ACSS3: variants seen among roughly 807,000 people sequenced by gnomAD.
ACSS3 encodes the protein acyl-CoA synthetase short chain family member 3.
A neutral mutation model predicts 84.2 loss-of-function variants in ACSS3; 64 were observed. The ratio of observed to expected loss-of-function variants is 0.76; its 90% confidence interval spans 0.62 to 0.94. The LOEUF is 0.94. Ranked by LOEUF, ACSS3 falls within the 40% of genes least tolerant of loss-of-function variation. ACSS3 has a pLI of 0.00. For missense variants in ACSS3, 815 were observed against 867.6 expected, an observed-to-expected ratio of 0.94 and a Z score of 0.76; for synonymous variants, 317 against 310.1, an observed-to-expected ratio of 1.02 and a Z score of -0.23.
chr12:81,255,065 C>A lies in ACSS3; in HGVS notation c.*143C>A. The A allele has an allele frequency of 1.3e-6, 1 of 753,552 alleles. No homozygotes were observed. The highest frequency in any genetic ancestry group is 2.0e-6 in the Non-Finnish European group (1 of 498,876). The allele number at this position is 753,552 out of a possible 1,614,324, so 46.7% of individuals were successfully genotyped here. A position where few individuals can be genotyped will look rare whatever the true frequency, so the allele number is the denominator to read the frequency against. On this transcript the variant is annotated 3_prime_UTR_variant, in exon 16 of 16. Transcript: ENST00000548058. The stretch of plus-strand genomic sequence containing the variant: ...ATTGTAAAACTTGGCCTAAACAAAT[C>A]TAATGAAAACATGTGAAAGACCTGT...
chr12:81,196,871 C>T (rs139004846), intron 8 of ACSS3, among the ~76,000 whole-genome samples: 168 of 152,164 alleles, frequency 1.1e-3, no homozygotes, highest in Non-Finnish European at 2.2e-3. Flanking sequence ...GGACATGAAG[C>T]CTTTCCACTA....
At chr12:81,174,629 G>A (rs1237605048) in intron 7 of ACSS3, 159 bp from the exon 8 acceptor site, 1 of 736,946 alleles carries the variant, frequency 1.4e-6, no homozygotes, top group African/African-American at 1.8e-5. Flanking sequence ...TGGGTATTTG[G>A]TTTGCTTTAT....
intron 9 of ACSS3, chr12:81,199,672 A>G (rs1326412180): frequency 3.4e-6 from 5 of 1,454,318 alleles, no homozygotes; most frequent in Non-Finnish European, 3.7e-6. Flanking sequence ...ATAAAGCACT[A>G]AAGACCTCTT....
rs1362406350 is a variant in ACSS3 at position 81,254,948 on chromosome 12, GTTGAT to G, written c.*29_*33del. ...TGAGTTTGTCTTATTCCTATTTTGAGTTGATTTAATTTCTTAATTGAAATTAAATT... is the reference window on the plus strand; with the variant it reads ...TGAGTTTGTCTTATTCCTATTTTGAGTTAATTTCTTAATTGAAATTAAATT... On this transcript the variant is annotated 3_prime_UTR_variant, in exon 16 of 16. Coordinates refer to ENST00000548058, the MANE Select transcript of ACSS3 (RefSeq NM_024560.4). 6.6e-7 allele frequency: 1 copy of G among 1,518,358 alleles called. No homozygotes were observed. The highest frequency in any genetic ancestry group is 1.4e-5 in the African/African-American group (1 of 71,140). The allele number at this position is 1,518,358 out of a possible 1,614,324, so 94.1% of individuals were successfully genotyped here.
At chr12:81,168,418 C>A (rs545795524) in intron 7 of ACSS3, among the ~76,000 whole-genome samples, 2 of 152,226 alleles carry the variant, frequency 1.3e-5, no homozygotes, top group Admixed American at 1.3e-4. Context: ...TATGTACATA[C>A]CTTAATTTAA....
At chr12:81,169,862 T>C (rs2029896411) in intron 7 of ACSS3, among the ~76,000 whole-genome samples, 1 of 152,154 alleles carries the variant, frequency 6.6e-6, no homozygotes, top group African/African-American at 2.4e-5. Context: ...GCATCACCTA[T>C]CTGCTGAAAT....
intron 9 of ACSS3, among the ~76,000 whole-genome samples, chr12:81,212,462 G>A (rs61934663): frequency 0.31 from 46,839 of 152,032 alleles, 8,870 homozygotes; most frequent in Middle Eastern, 0.44. Context: ...CTCATCCTCT[G>A]TCTGTTACTT....
intron 9 of ACSS3, among the ~76,000 whole-genome samples, chr12:81,216,241 A>G (rs2032910463): frequency 6.6e-6 from 1 of 151,566 alleles, no homozygotes; most frequent in Non-Finnish European, 1.5e-5. Flanking sequence ...CACAACATGA[A>G]TTAAACAATG....
At chr12:81,240,970 A>G (rs528810195) in intron 13 of ACSS3, among the ~76,000 whole-genome samples, 5 of 146,854 alleles carry the variant, frequency 3.4e-5, no homozygotes, top group Non-Finnish European at 7.5e-5. Context: ...ATATCTCCCA[A>G]TGCTATCCCT....
intron 13 of ACSS3, among the ~76,000 whole-genome samples, chr12:81,233,799 A>C (rs1041434931): frequency 6.6e-6 from 1 of 151,650 alleles, no homozygotes; most frequent in African/African-American, 2.4e-5. Flanking sequence ...TCAGGTTTGC[A>C]CATGGTCTTT....
chr12:81,178,552 A>C (rs1162095943), intron 8 of ACSS3, among the ~76,000 whole-genome samples: 2 of 152,150 alleles, frequency 1.3e-5, no homozygotes, highest in Non-Finnish European at 1.5e-5. Context: ...TCACATTAGC[A>C]ATGAAAAGAA....
At chr12:81,134,289 A>G (rs1486575854) in intron 2 of ACSS3, among the ~76,000 whole-genome samples, 1 of 152,164 alleles carries the variant, frequency 6.6e-6, no homozygotes, top group Non-Finnish European at 1.5e-5. Flanking sequence ...TTTAGATGTA[A>G]ATAATAATAT....
chr12:81,090,197 G>T (rs530925965), intron 1 of ACSS3, among the ~76,000 whole-genome samples: 3 of 152,010 alleles, frequency 2.0e-5, no homozygotes, highest in African/African-American at 4.8e-5. Context: ...ATGTCTTTTT[G>T]ATTTCGTCGC....
intron 5 of ACSS3, among the ~76,000 whole-genome samples, chr12:81,150,452 A>G (rs1886554682): frequency 6.6e-6 from 1 of 152,222 alleles, no homozygotes; most frequent in African/African-American, 2.4e-5. Context: ...AAACTAGCAA[A>G]GTGCATGGAC....
chr12:81,107,988 G>A (rs556425700), intron 1 of ACSS3, among the ~76,000 whole-genome samples: 1 of 152,118 alleles, frequency 6.6e-6, no homozygotes, highest in East Asian at 1.9e-4. Context: ...CAAGTACATG[G>A]ATGAGCCCCA....
intron 7 of ACSS3, among the ~76,000 whole-genome samples, chr12:81,164,122 G>GT (rs1043909086): frequency 6.6e-6 from 1 of 152,136 alleles, no homozygotes; most frequent in African/African-American, 2.4e-5. Context: ...TCCATTTCTA[G>GT]TAAGTGCCCT....
chr12:81,168,923 C>A (rs1242035451), intron 7 of ACSS3, among the ~76,000 whole-genome samples: 1 of 152,144 alleles, frequency 6.6e-6, no homozygotes, highest in African/African-American at 2.4e-5. Flanking sequence ...GAGATAATGT[C>A]TATCGAAGGA....
At chr12:81,224,218 TC>T (rs1489536915) in intron 11 of ACSS3, among the ~76,000 whole-genome samples, 1 of 151,904 alleles carries the variant, frequency 6.6e-6, no homozygotes, top group African/African-American at 2.4e-5. Context: ...CTAGTTCATT[TC>T]TTAGTATTTT....
At chr12:81,204,523 A>G (rs2032261963) in intron 9 of ACSS3, among the ~76,000 whole-genome samples, 1 of 152,048 alleles carries the variant, frequency 6.6e-6, no homozygotes, top group Non-Finnish European at 1.5e-5. Flanking sequence ...CTGGAGTCCC[A>G]ATGTTTAATG....
Sources: gnomAD v4.1 joint callset for allele counts (sites outside exome capture counted in the v4.1 genomes callset) on GRCh38, gnomAD v4.1.1 for gene constraint, MANE v1.5 for transcripts, NCBI Gene and HGNC (gene_info 2026-07-23, HGNC 2026-07-21) for gene names.